C8orf74: variants seen among roughly 807,000 people sequenced by gnomAD.
C8orf74 encodes the protein chromosome 8 open reading frame 74, also known as uncharacterized protein C8orf74.
Under a neutral mutation model 22.2 loss-of-function variants are expected in C8orf74, and 29 were observed. That is an observed-to-expected ratio of 1.31 (90% CI 0.97 to 1.78). The LOEUF (loss-of-function observed/expected upper bound fraction) is 1.78, where lower values mean the gene tolerates loss of function less well. C8orf74 is among the 40% of genes most tolerant of loss of function. C8orf74 has a pLI of 0.00. For synonymous variants in C8orf74, 255 were observed against 163.1 expected, an observed-to-expected ratio of 1.56 and a Z score of -4.30; for missense variants, 515 against 369.9, an observed-to-expected ratio of 1.39 and a Z score of -3.22.
intron 2 of C8orf74, among the ~76,000 whole-genome samples, chr8:10,683,329 A>G (rs1286235454): frequency 6.6e-6 from 1 of 152,192 alleles, no homozygotes; most frequent in East Asian, 1.9e-4. Flanking sequence ...CCTGGCCTGG[A>G]TGTGCCATCT....
intron 2 of C8orf74, chr8:10,691,125 C>T: frequency 2.8e-6 from 1 of 362,334 alleles, no homozygotes; most frequent in South Asian, 2.0e-5. Flanking sequence ...TTTGCTGAAA[C>T]CCAGAACCAG....
intron 2 of C8orf74, among the ~76,000 whole-genome samples, chr8:10,676,924 C>A (rs1407282232): frequency 6.6e-6 from 1 of 152,220 alleles, no homozygotes; most frequent in Non-Finnish European, 1.5e-5. Context: ...CCATCAGAGC[C>A]TCCACAGGCC....
rs765586849 is a variant in C8orf74, at chr8:10,697,623, C to A, written c.266C>A (p.Thr89Lys). The A allele has an allele frequency of 2.5e-6, 4 of 1,613,820 alleles. No homozygotes were observed. The Admixed American group carries it at 5.0e-5, about 20-fold the overall frequency. The part of the protein sequence containing the change: ...TKGCSITEAV[T>K]ILGNKLRDYR... The stretch of plus-strand genomic sequence containing the variant: ...GGCTGCTCCATTACTGAGGCTGTGA[C>A]GATCCTGGGGAACAAGCTTAGAGAT... The change falls in exon 3 of 4, where the codon ACG (threonine) becomes AAG (lysine). Residue 89 changes from threonine to lysine, a missense_variant. By Grantham distance (78) the Thr-to-Lys change is moderately conservative. Coordinates refer to ENST00000304519, the MANE Select transcript of C8orf74 (RefSeq NM_001040032.2).
intron 2 of C8orf74, among the ~76,000 whole-genome samples, chr8:10,696,111 G>T (rs1286023883): frequency 2.2e-4 from 33 of 152,016 alleles, no homozygotes; most frequent in Admixed American, 2.1e-3. Context: ...ACCAGGGTAG[G>T]CATGTAATTC....
chr8:10,687,091 G>C (rs1183971228), intron 2 of C8orf74: 1 of 456,304 alleles, frequency 2.2e-6, no homozygotes, highest in Non-Finnish European at 4.4e-6. Flanking sequence ...TTCAGTCCAG[G>C]AGCCCACACA....
chr8:10,679,931 A>T (rs1799113025), intron 2 of C8orf74: 1 of 152,798 alleles, frequency 6.5e-6, no homozygotes, highest in African/African-American at 2.4e-5. Context: ...CTGGAGAGTG[A>T]GGAAGGCCTG....
At chr8:10,684,834 C>T (rs1431579909) in intron 2 of C8orf74, among the ~76,000 whole-genome samples, 1 of 152,228 alleles carries the variant, frequency 6.6e-6, no homozygotes, top group Admixed American at 6.5e-5. Context: ...ATCCGAATTG[C>T]CAGCATCACC....
intron 2 of C8orf74, among the ~76,000 whole-genome samples, chr8:10,694,873 T>C (rs1476416909): frequency 1.3e-5 from 2 of 151,846 alleles, no homozygotes; most frequent in African/African-American, 4.8e-5. Flanking sequence ...GAAGAGTGGA[T>C]GAATGAATGG....
rs76336107 is a variant in C8orf74, at chr8:10,693,175, C to T, written c.242-4424C>T. Among the ~76,000 whole-genome samples, 913 of 152,292 alleles carry T rather than the reference C, an allele frequency of 6.0e-3. 7 individuals are homozygous for T. The highest frequency in any genetic ancestry group is 0.021 in the African/African-American group (870 of 41,556). ...CTCCAGCCTGCTCACTGCCTTCCTCCCCGACCTTTCAGTCCCTCAGTGGGC... is the reference window on the plus strand; with the variant it reads ...CTCCAGCCTGCTCACTGCCTTCCTCTCCGACCTTTCAGTCCCTCAGTGGGC... On this transcript the variant is annotated intron_variant, in intron 2 of 3. Coordinates refer to ENST00000304519, the MANE Select transcript of C8orf74 (RefSeq NM_001040032.2).
At chr8:10,673,064 T>C (rs1798950954) in intron 1 of C8orf74, among the ~76,000 whole-genome samples, 1 of 151,994 alleles carries the variant, frequency 6.6e-6, no homozygotes, top group Non-Finnish European at 1.5e-5. Context: ...GGGGGTGCTG[T>C]CTAGATTAGG....
intron 2 of C8orf74, among the ~76,000 whole-genome samples, chr8:10,681,156 G>A (rs1226275820): frequency 6.6e-6 from 1 of 152,038 alleles, no homozygotes; most frequent in African/African-American, 2.4e-5. Context: ...AGTCCGATCA[G>A]GCCTTGGCGC....
At chr8:10,674,895 A>G (rs1799001185) in intron 2 of C8orf74, 57 bp downstream of exon 2, 4 of 1,415,832 alleles carry the variant, frequency 2.8e-6, no homozygotes, top group South Asian at 2.7e-5. Context: ...GTGGGTACAC[A>G]TAGAACTCCC....
At chr8:10,692,243 T>A (rs1398905106) in intron 2 of C8orf74, 1 of 152,424 alleles carries the variant, frequency 6.6e-6, no homozygotes, top group Non-Finnish European at 1.5e-5. Flanking sequence ...CAAGAGCTTC[T>A]GGTCAGTGAA....
In C8orf74 at chr8:10,698,000, A is replaced by G; in HGVS notation, c.643A>G (p.Arg215Gly). ...APAQPGQVLE[R>G]QELESLICQA... The stretch of plus-strand genomic sequence containing the variant: ...TGCGCAGCCCGGCCAGGTCCTGGAG[A>G]GACAGGTGAGGCTCTGCCCCCCTGC... Residue 215 changes from arginine to glycine, a missense_variant, in exon 3 of 4, where the codon AGA becomes GGA. Arg to Gly is a moderately radical substitution (Grantham distance 125, BLOSUM62 -2). Coordinates refer to ENST00000304519, the MANE Select transcript of C8orf74 (RefSeq NM_001040032.2). The G allele has an allele frequency of 1.4e-6, 2 of 1,479,590 alleles. No individual in the cohort carries two copies. The highest frequency in any genetic ancestry group is 8.9e-7 in the Non-Finnish European group (1 of 1,118,002). 91.7% of individuals were successfully genotyped at this position (1,479,590 alleles called of 1,614,324 possible).
chr8:10,693,037 T>C (rs1049872254), intron 2 of C8orf74: 9 of 152,330 alleles, frequency 5.9e-5, no homozygotes, highest in African/African-American at 2.2e-4. Flanking sequence ...AGAGGGCCTC[T>C]GCCAGATGGC....
chr8:10,681,899 G>T (rs1001779345), intron 2 of C8orf74, among the ~76,000 whole-genome samples: 1 of 152,206 alleles, frequency 6.6e-6, no homozygotes. Context: ...GCCACTCCTG[G>T]TTCTAAAGGA....
intron 2 of C8orf74, among the ~76,000 whole-genome samples, chr8:10,686,235 C>T (rs1799260115): frequency 1.3e-5 from 2 of 152,102 alleles, no homozygotes; most frequent in Non-Finnish European, 2.9e-5. Context: ...TTGTACTCTC[C>T]TTGGAGTTGG....
At chr8:10,699,067 G>C (rs1024703409) in intron 3 of C8orf74, among the ~76,000 whole-genome samples, 1 of 152,176 alleles carries the variant, frequency 6.6e-6, no homozygotes, top group Non-Finnish European at 1.5e-5. Flanking sequence ...ATTCAATAAA[G>C]ACCCAACAAA....
At chr8:10,697,519 G>GGGGT in intron 2 of C8orf74, 80 bp from the exon 3 acceptor site, 1 of 1,235,210 alleles carries the variant, frequency 8.1e-7, no homozygotes, top group Non-Finnish European at 1.2e-6. Context: ...CCAGGCTGTC[G>GGGGT]GGGTGCAGAG....
Sources: gnomAD v4.1 joint callset for allele counts (sites outside exome capture counted in the v4.1 genomes callset) on GRCh38, gnomAD v4.1.1 for gene constraint, MANE v1.5 for transcripts, NCBI Gene and HGNC (gene_info 2026-07-23, HGNC 2026-07-21) for gene names.